Variants in CHRNA10 observed in about 807,000 individuals in gnomAD.
The protein encoded by CHRNA10 is neuronal acetylcholine receptor subunit alpha-10.
CHRNA10 carries 31 observed loss-of-function variants against 36.0 expected under a neutral mutation model. The ratio of observed to expected loss-of-function variants is 0.86; its 90% CI spans 0.65 to 1.16. CHRNA10 has a LOEUF of 1.16. Among genes scored for constraint, CHRNA10 ranks in the 50% most tolerant of loss-of-function variants. CHRNA10 has a pLI of 0.00. For synonymous variants in CHRNA10, 302 were observed against 287.0 expected, an observed-to-expected ratio of 1.05 and a Z score of -0.53; for missense variants, 648 against 640.9, an observed-to-expected ratio of 1.01 and a Z score of -0.12.
chr11:3,666,326 G>T lies in CHRNA10; in HGVS notation c.1134C>A (p.Pro378=), dbSNP rs2077660349. ...GTGGCTCGTGGCAAGGGCCCGCTGG[G>T]GGGCCAGCCCCTCCTTCAGGCGACT... ...SPQSPEGGAG[P]PAGPCHEPRC... The change falls in exon 5 of 5, where the codon CCC becomes CCA. Residue 378 remains proline (P), a synonymous_variant. Transcript: ENST00000250699. 6.2e-7 allele frequency: 1 copy of T among 1,613,384 alleles called. No homozygotes were observed. Among genetic ancestry groups the T allele is most frequent in the South Asian group, 1.1e-5 (1 of 91,014 alleles).
intron 3 of CHRNA10, chr11:3,668,621 C>G (rs904910809): frequency 6.6e-6 from 1 of 152,192 alleles, no homozygotes; most frequent in African/African-American, 2.4e-5. Context: ...CGCTGCCTTT[C>G]GAGGCCTGGA....
rs200272875 is a variant in CHRNA10, at chr11:3,669,344, G to A, written c.214C>T (p.Arg72Trp). 273 of 1,613,378 alleles carry A rather than the reference G, an allele frequency of 1.7e-4. 1 individual carries two copies. Among genetic ancestry groups the A allele is most frequent in the Middle Eastern group, 3.3e-4 (2 of 6,068 alleles). ...TLSQIIDMDE[R>W]NQVLTLYLWI... ...AGATACAGGGTCAGCACCTGGTTCC[G>A]TTCATCCTAGTGGGGGCAGGGAATG... Residue 72 changes from arginine (R) to tryptophan (W), a missense_variant, in exon 3 of 5, where the codon CGG (arginine) becomes TGG (tryptophan). By Grantham distance (101) the Arg-to-Trp change is moderately radical (BLOSUM62 -3). Transcript: ENST00000250699.
rs778657048 is a variant in CHRNA10 at position 3,666,117 on chromosome 11, T to C, written c.1343A>G (p.Gln448Arg). ...ALVMSLLVLVQAL is the reference protein window; with the variant it reads ...ALVMSLLVLVRAL Reference sequence around the variant, plus strand: ...ACTTAGTCCCAGCCCTCACAGGGCCTGCACCAGCACCAGGAGGCTCATGAC... The same window carrying C: ...ACTTAGTCCCAGCCCTCACAGGGCCCGCACCAGCACCAGGAGGCTCATGAC... The change falls in exon 5 of 5, where the codon CAG (glutamine) becomes CGG (arginine). Residue 448 changes from glutamine (Q) to arginine (R), a missense_variant. Transcript: ENST00000250699. 15 of 1,554,230 alleles carry C rather than the reference T, an allele frequency of 9.7e-6. No homozygotes were observed. The highest frequency in any genetic ancestry group is 1.3e-5 in the Non-Finnish European group (15 of 1,150,952).
chr11:3,669,618 A>G, intron 2 of CHRNA10, 178 bp downstream of exon 2: 3 of 856,888 alleles, frequency 3.5e-6, no homozygotes, highest in Admixed American at 2.0e-5. Flanking sequence ...GGCACGAGGT[A>G]GGCACCCAAT....
chr11:3,669,384 A>G, intron 2 of CHRNA10, 34 bp from the exon 3 acceptor site: 3 of 1,603,334 alleles, frequency 1.9e-6, no homozygotes, highest in Non-Finnish European at 2.6e-6. Flanking sequence ...AGATGTGGAC[A>G]TGTATATGCA....
chr11:3,666,012 C>T lies in CHRNA10; in HGVS notation c.*95G>A. ...GGATCTTAGGAGCAGTGGGGAGAGA[C>T]TGGCTGGCCCAAAGACCAGCAACCA... On this transcript the variant is annotated 3_prime_UTR_variant, in exon 5 of 5. Coordinates refer to ENST00000250699, the MANE Select transcript of CHRNA10 (RefSeq NM_020402.4). 1 of 1,085,970 alleles carries T rather than the reference C, an allele frequency of 9.2e-7. No homozygotes were observed. Among genetic ancestry groups the T allele is most frequent in the Non-Finnish European group, 1.3e-6 (1 of 773,094 alleles). 67.3% of individuals were successfully genotyped at this position (1,085,970 alleles called of 1,614,324 possible).
At chr11:3,670,209 C>T (rs984561419) in intron 1 of CHRNA10, among the ~76,000 whole-genome samples, 1 of 152,196 alleles carries the variant, frequency 6.6e-6, no homozygotes, top group African/African-American at 2.4e-5. Flanking sequence ...CTGGAGTCTG[C>T]CTGCCTCTCC....
rs2077654205 is a variant in CHRNA10, at chr11:3,665,704, G to C, written c.*403C>G. ...CCCTTTTCCCTGAGCCCCTCAGCAG[G>C]GAAAGGTAACAGCCAAAGCCCTGCA... On this transcript the variant is annotated 3_prime_UTR_variant, in exon 5 of 5. Transcript: ENST00000250699. 6.2e-6 allele frequency: 1 copy of C among 160,600 alleles called. No individual in the cohort carries two copies. 9.9% of individuals were successfully genotyped at this position (160,600 alleles called of 1,614,324 possible). A position where few individuals can be genotyped will look rare whatever the true frequency, so the allele number is the denominator to read the frequency against.
chr11:3,669,232 C>T lies in CHRNA10; in HGVS notation c.326G>A (p.Ser109Asn). ...TACGATGTCTGGCCGCCACACAAGA[C>T]TGCTGGGGATGCGGATGGCATCCAG... ...GGLDAIRIPSSLVWRPDIVLY... is the reference protein window; with the variant it reads ...GGLDAIRIPSNLVWRPDIVLY... Residue 109 changes from serine to asparagine, a missense_variant, in exon 3 of 5, where the codon AGT (serine) becomes AAT (asparagine). Coordinates refer to ENST00000250699, the MANE Select transcript of CHRNA10 (RefSeq NM_020402.4). 1 of 1,614,022 alleles carries T rather than the reference C, an allele frequency of 6.2e-7. No individual in the cohort carries two copies. Among genetic ancestry groups the T allele is most frequent in the Non-Finnish European group, 8.5e-7 (1 of 1,179,962 alleles).
chr11:3,667,076 T>A (rs2077667888), intron 4 of CHRNA10, among the ~76,000 whole-genome samples, 156 bp downstream of exon 4: 1 of 152,152 alleles, frequency 6.6e-6, no homozygotes, highest in Non-Finnish European at 1.5e-5. Context: ...AAGGAGCTAA[T>A]CCTTTCCCCT....
Position 3,665,677 on chromosome 11 carries a change from G to A in CHRNA10, c.*430C>T, listed in dbSNP as rs1014845087. 9 of 155,782 alleles carry A rather than the reference G, an allele frequency of 5.8e-5. No homozygotes were observed. Among genetic ancestry groups the A allele is most frequent in the Middle Eastern group, 3.0e-3 (1 of 334 alleles). 9.6% of individuals were successfully genotyped at this position (155,782 alleles called of 1,614,324 possible). On this transcript the variant is annotated 3_prime_UTR_variant, in exon 5 of 5. Transcript: ENST00000250699. ...TCTGGAAACTCGACTGAGAATCCCC[G>A]ACCCTTTTCCCTGAGCCCCTCAGCA...
chr11:3,668,589 G>A (rs1404499325), intron 3 of CHRNA10: 1 of 152,218 alleles, frequency 6.6e-6, no homozygotes, highest in African/African-American at 2.4e-5. Flanking sequence ...AACACAGAGG[G>A]TGGAGTGCAC....
chr11:3,665,938 T>A lies in CHRNA10; in HGVS notation c.*169A>T. ...GGCTCTGGACTTCCTTTAGTTAGGG[T>A]GTGTAGACAATGAGTGCTCCCTTGT... On this transcript the variant is annotated 3_prime_UTR_variant, in exon 5 of 5. Coordinates refer to ENST00000250699, the MANE Select transcript of CHRNA10 (RefSeq NM_020402.4). 1.8e-6 allele frequency: 1 copy of A among 561,486 alleles called. No individual in the cohort carries two copies. The highest frequency in any genetic ancestry group is 3.0e-6 in the Non-Finnish European group (1 of 329,150). The allele number at this position is 561,486 out of a possible 1,614,324, so 34.8% of individuals were successfully genotyped here.
intron 4 of CHRNA10, among the ~76,000 whole-genome samples, chr11:3,666,911 G>C (rs570946306): frequency 6.6e-6 from 1 of 152,296 alleles, no homozygotes; most frequent in African/African-American, 2.4e-5. Context: ...TACTTCCTAG[G>C]TTTGTGGTGA....
At chr11:3,669,982 G>C (rs376570635) in intron 1 of CHRNA10, 41 bp from the exon 2 acceptor site, 2 of 1,612,454 alleles carry the variant, frequency 1.2e-6, no homozygotes, top group Non-Finnish European at 1.7e-6. Flanking sequence ...CCAGGCCCTA[G>C]TCCCAGGGCC....
intron 3 of CHRNA10, among the ~76,000 whole-genome samples, chr11:3,668,316 A>G (rs998125192): frequency 6.6e-6 from 1 of 152,066 alleles, no homozygotes. Flanking sequence ...GATCGAGACC[A>G]CCCTGGCTAA....
intron 1 of CHRNA10, among the ~76,000 whole-genome samples, chr11:3,670,901 T>C (rs2077708598): frequency 6.6e-6 from 1 of 152,212 alleles, no homozygotes; most frequent in African/African-American, 2.4e-5. Context: ...GGACCACGCT[T>C]TTAAGCATGC....
rs758712923 is a variant in CHRNA10 at position 3,666,577 on chromosome 11, G to A, written c.896-13C>T. Reference sequence around the variant, plus strand: ...ATGTAGTACTTCCCTGCAAGAGAGAGAGAAAGCCAATTGACTCAAAACAAA... The same window carrying A: ...ATGTAGTACTTCCCTGCAAGAGAGAAAGAAAGCCAATTGACTCAAAACAAA... On this transcript the variant is annotated splice_polypyrimidine_tract_variant and intron_variant, in intron 4 of 4. Transcript: ENST00000250699. 10 of 1,515,082 alleles carry A rather than the reference G, an allele frequency of 6.6e-6. No individual in the cohort carries two copies. The highest frequency in any genetic ancestry group is 1.4e-5 in the African/African-American group (1 of 71,704). The allele number at this position is 1,515,082 out of a possible 1,614,324, so 93.9% of individuals were successfully genotyped here.
chr11:3,666,120 A>G lies in CHRNA10; in HGVS notation c.1340T>C (p.Val447Ala). 1 of 1,557,902 alleles carries G rather than the reference A, an allele frequency of 6.4e-7. No individual in the cohort carries two copies. Among genetic ancestry groups the G allele is most frequent in the East Asian group, 2.2e-5 (1 of 44,460 alleles). Residue 447 changes from valine (V) to alanine (A), a missense_variant, in exon 5 of 5, where the codon GTG becomes GCG. Coordinates refer to ENST00000250699, the MANE Select transcript of CHRNA10 (RefSeq NM_020402.4). ...MALVMSLLVL[V>A]QAL ...TAGTCCCAGCCCTCACAGGGCCTGC[A>G]CCAGCACCAGGAGGCTCATGACCAG... is the stretch of plus-strand genomic sequence containing the variant.
Sources: allele counts gnomAD v4.1 joint callset (sites outside exome capture counted in the v4.1 genomes callset), GRCh38; gene constraint gnomAD v4.1.1; transcripts MANE v1.5; gene names NCBI Gene and HGNC (gene_info 2026-07-23, HGNC 2026-07-21).